The following NFKBID variants were observed in gnomAD, a reference collection of about 807,000 sequenced individuals.
NFKBID encodes NF-kappa-B inhibitor delta.
A neutral mutation model predicts 53.4 loss-of-function variants in NFKBID; 26 were observed. The ratio of observed to expected loss-of-function variants is 0.49; its 90% CI spans 0.36 to 0.68. NFKBID has a LOEUF of 0.68. Among genes scored for constraint, NFKBID ranks in the 30% least tolerant of loss-of-function variants. NFKBID has a pLI of 0.00. For synonymous variants in NFKBID, 262 were observed against 259.8 expected (o/e 1.01, Z -0.08); for missense variants, 493 against 614.1 (o/e 0.80, Z 2.08).
intron 11 of NFKBID, among the ~76,000 whole-genome samples, 187 bp downstream of exon 11, chr19:35,889,703 T>C (rs1353959511): frequency 6.6e-6 from 1 of 152,156 alleles, no homozygotes; most frequent in East Asian, 1.9e-4. Flanking sequence ...GAAGTCACCA[T>C]TCTGGGGTAA....
intron 9 of NFKBID, among the ~76,000 whole-genome samples, chr19:35,891,477 T>C (rs972869057): frequency 6.6e-6 from 1 of 152,200 alleles, no homozygotes; most frequent in African/African-American, 2.4e-5. Context: ...ATTATCATTT[T>C]ACAGCCAAAA....
At chr19:35,902,046 C>G, upstream of NFKBID, 1 of 641,178 alleles carries the variant, frequency 1.6e-6, no homozygotes, top group East Asian at 2.7e-5. Flanking sequence ...AGCCATCAAC[C>G]CCCAAATTTA....
At chr19:35,889,785 G>A in intron 11 of NFKBID, 105 bp downstream of exon 11, 3 of 1,228,870 alleles carry the variant, frequency 2.4e-6, no homozygotes, top group African/African-American at 1.5e-5. Flanking sequence ...CACCTTCCGA[G>A]ATTAGAAGTC....
upstream of NFKBID, chr19:35,900,758 G>A: frequency 3.2e-6 from 2 of 632,516 alleles, no homozygotes; most frequent in Non-Finnish European, 4.5e-6. Context: ...CTAGGGCACC[G>A]GGCTCCAAGA....
chr19:35,888,724 G>T, intron 11 of NFKBID, 112 bp from the exon 12 acceptor site: 1 of 777,056 alleles, frequency 1.3e-6, no homozygotes, highest in Non-Finnish European at 2.2e-6. Flanking sequence ...GGGTCCCTTT[G>T]GATTTGAAGA....
intron 9 of NFKBID, among the ~76,000 whole-genome samples, chr19:35,893,332 C>A (rs564049417): frequency 2.0e-5 from 3 of 152,170 alleles, no homozygotes; most frequent in South Asian, 2.1e-4. Flanking sequence ...TACTTTGCAA[C>A]CATTAAGAGC....
At chr19:35,902,239 C>A (rs1373533781), upstream of NFKBID, 1 of 703,490 alleles carries the variant, frequency 1.4e-6, no homozygotes, top group South Asian at 1.5e-5. Flanking sequence ...GCGTTTCATG[C>A]CAGAAGGCTT....
At position 35,896,307 on chromosome 19, in the gene NFKBID, T is replaced by A. The variant is rs73032169; in HGVS notation, c.832-38A>T. ...GAAGGCAGACTGCTGGGTAAGGGTA[T>A]CCCCTGGCCTCCTGGCCCTGGAAGC... On this transcript the variant is annotated intron_variant, in intron 7 of 11. Coordinates refer to ENST00000641389, the Ensembl canonical transcript of NFKBID. The surrounding 1 kb of genome is among the most constrained non-coding windows in gnomAD (Gnocchi z 5.7). 3 of 1,613,860 alleles carry A rather than the reference T, an allele frequency of 1.9e-6. No individual in the cohort carries two copies. The highest frequency in any genetic ancestry group is 2.5e-6 in the Non-Finnish European group (3 of 1,179,808).
At chr19:35,888,196 C>T (rs1974521128), downstream of NFKBID, 1 of 226,548 alleles carries the variant, frequency 4.4e-6, no homozygotes, top group Non-Finnish European at 8.9e-6. Flanking sequence ...CGGGATGCCC[C>T]AAGCACCACG....
At chr19:35,898,105 C>G (rs73928353) in intron 3 of NFKBID, among the ~76,000 whole-genome samples, 208 of 152,176 alleles carry the variant, frequency 1.4e-3, no homozygotes, top group African/African-American at 4.9e-3. Flanking sequence ...TCAAGAGAAC[C>G]TAGGAAATCA....
chr19:35,890,593 G>T (rs755067676), intron 9 of NFKBID, 103 bp from the exon 10 acceptor site: 1 of 828,456 alleles, frequency 1.2e-6, no homozygotes, highest in East Asian at 2.4e-5. Flanking sequence ...GCGGAGTGCG[G>T]TGGTTCACGC....
Position 35,900,560 on chromosome 19 carries a change from G to A in NFKBID, c.-58C>T. 2.4e-6 allele frequency: 3 copies of A among 1,231,552 alleles called. No individual in the cohort carries two copies. Among genetic ancestry groups the A allele is most frequent in the Non-Finnish European group, 3.0e-6 (3 of 987,592 alleles). The allele number at this position is 1,231,552 out of a possible 1,614,324, so 76.3% of individuals were successfully genotyped here. A position where few individuals can be genotyped will look rare whatever the true frequency, so the allele number is the denominator to read the frequency against. ...GTCCCCGATCTTGGGTCCGGTACCC[G>A]CGAGTTTTTAAACTAGGGGTTATGG... On this transcript the variant is annotated 5_prime_UTR_variant, in exon 1 of 12. Coordinates refer to ENST00000641389, the Ensembl canonical transcript of NFKBID.
At chr19:35,888,798 C>T (rs999928395) in intron 11 of NFKBID, among the ~76,000 whole-genome samples, 186 bp from the exon 12 acceptor site, 1 of 152,154 alleles carries the variant, frequency 6.6e-6, no homozygotes, top group African/African-American at 2.4e-5. Context: ...GTAATCCCAG[C>T]ACTTTGTGGG....
exon 12 of NFKBID, chr19:35,888,429 G>T: frequency 1.4e-6 from 1 of 701,936 alleles, no homozygotes; most frequent in Non-Finnish European, 2.5e-6. Context: ...GCCATTCTGG[G>T]GTTTTAATGT....
Position 35,889,989 on chromosome 19 carries a change from G to A in NFKBID, c.1215C>T (p.Ile405=), listed in dbSNP as rs369291351. 2.3e-5 allele frequency: 37 copies of A among 1,610,348 alleles called. 1 individual carries two copies. The highest frequency in any genetic ancestry group is 7.7e-5 in the South Asian group (7 of 91,046). The change falls in exon 11 of 12, where the codon ATC becomes ATT. Residue 405 remains isoleucine (I), a synonymous_variant. Transcript: ENST00000641389. ...CCCCAGCTGCCAACAGGTGCCGCAC[G>A]ATGGCCTCCTGGGCCGGCCCAGGGG...
intron 9 of NFKBID, among the ~76,000 whole-genome samples, chr19:35,894,971 C>T (rs1356557873): frequency 6.6e-6 from 1 of 150,986 alleles, no homozygotes; most frequent in African/African-American, 2.4e-5. Context: ...CCAGCCTGGG[C>T]AACAAGAGCA....
intron 9 of NFKBID, among the ~76,000 whole-genome samples, chr19:35,892,617 A>T (rs1287077075): frequency 6.6e-6 from 1 of 151,992 alleles, no homozygotes; most frequent in African/African-American, 2.4e-5. Flanking sequence ...CCAGAACCCT[A>T]CCACACAGTT....
chr19:35,897,928 G>C, intron 3 of NFKBID, 72 bp from the exon 4 acceptor site: 1 of 1,046,100 alleles, frequency 9.6e-7, no homozygotes, highest in Non-Finnish European at 1.4e-6. Context: ...GGGCTAGAGG[G>C]CCTGGCGTCT....
chr19:35,894,542 CA>C (rs1010001297), intron 9 of NFKBID, among the ~76,000 whole-genome samples: 1 of 151,318 alleles, frequency 6.6e-6, no homozygotes, highest in Non-Finnish European at 1.5e-5. Flanking sequence ...CCCCACCTTA[CA>C]AAAAAGTTGC....
Sources: gnomAD v4.1 joint callset for allele counts (sites outside exome capture counted in the v4.1 genomes callset) on GRCh38, gnomAD v4.1.1 for gene constraint, Gnocchi (gnomAD v3.1) non-coding constraint, MANE v1.5 for transcripts, NCBI Gene and HGNC (gene_info 2026-07-23, HGNC 2026-07-21) for gene names.